The following HCN1 variants were observed in gnomAD, a reference collection of about 807,000 sequenced individuals.
HCN1 encodes the protein hyperpolarization activated cyclic nucleotide gated potassium channel 1.
HCN1 carries 13 observed loss-of-function variants against 78.9 expected under a neutral mutation model. The ratio of observed to expected loss-of-function variants is 0.16; its 90% CI spans 0.11 to 0.26. HCN1 has a LOEUF of 0.26. HCN1 is among the 10% of genes least tolerant of loss of function. The pLI is 1.00. For synonymous variants in HCN1, 552 were observed against 455.5 expected (o/e 1.21, Z -2.70); for missense variants, 810 against 1,154.3 (o/e 0.70, Z 4.32).
At chr5:45,273,880 A>G (rs1281126165) in intron 6 of HCN1, among the ~76,000 whole-genome samples, 1 of 152,174 alleles carries the variant, frequency 6.6e-6, no homozygotes. Flanking sequence ...ACAGGAAATG[A>G]TAACATCTGG....
At chr5:45,612,031 C>T (rs1744849505) in intron 2 of HCN1, among the ~76,000 whole-genome samples, 1 of 152,110 alleles carries the variant, frequency 6.6e-6, no homozygotes, top group African/African-American at 2.4e-5. Context: ...AATCCTATTC[C>T]AAGTTTAAAA....
chr5:45,271,287 C>A (rs904605530), intron 6 of HCN1, among the ~76,000 whole-genome samples: 8 of 150,906 alleles, frequency 5.3e-5, no homozygotes, highest in Non-Finnish European at 1.2e-4. Flanking sequence ...GTCTTTCTTG[C>A]CAGTTAATGA....
intron 4 of HCN1, among the ~76,000 whole-genome samples, chr5:45,357,081 T>C (rs1747019358): frequency 6.6e-6 from 1 of 152,088 alleles, no homozygotes; most frequent in Admixed American, 6.6e-5. Flanking sequence ...TTGAGTTTTT[T>C]CTTCAAAGAT....
At chr5:45,478,037 C>T (rs1185662014) in intron 2 of HCN1, among the ~76,000 whole-genome samples, 4 of 151,926 alleles carry the variant, frequency 2.6e-5, no homozygotes, top group African/African-American at 9.7e-5. Context: ...ACCTATAATC[C>T]CAGCTACTCA....
intron 2 of HCN1, among the ~76,000 whole-genome samples, chr5:45,595,688 C>G (rs753939465): frequency 5.9e-5 from 9 of 151,578 alleles, no homozygotes; most frequent in Non-Finnish European, 1.3e-4. Context: ...CTGGCTCTTC[C>G]CCTTAAGGAG....
chr5:45,608,789 A>T (rs980244672), intron 2 of HCN1, among the ~76,000 whole-genome samples: 1 of 152,038 alleles, frequency 6.6e-6, no homozygotes, highest in African/African-American at 2.4e-5. Flanking sequence ...CTATCAAATT[A>T]AAAACTTCAG....
intron 5 of HCN1, among the ~76,000 whole-genome samples, chr5:45,345,113 G>A (rs775108700): frequency 1.3e-5 from 2 of 152,150 alleles, no homozygotes; most frequent in Non-Finnish European, 2.9e-5. Flanking sequence ...ACATCATGTG[G>A]AAGATCCCAA....
intron 2 of HCN1, among the ~76,000 whole-genome samples, chr5:45,491,496 C>T (rs892881517): frequency 2.0e-5 from 3 of 152,094 alleles, no homozygotes; most frequent in Non-Finnish European, 4.4e-5. Flanking sequence ...CTGTCCAAAC[C>T]TTTGCCACTT....
intron 4 of HCN1, among the ~76,000 whole-genome samples, chr5:45,372,146 T>TGA (rs1165411175): frequency 1.8e-5 from 1 of 54,056 alleles, no homozygotes; most frequent in Admixed American, 3.7e-4. Flanking sequence ...TAATAATATA[T>TGA]TATATAATAT....
intron 2 of HCN1, among the ~76,000 whole-genome samples, chr5:45,583,435 G>T (rs112490913): frequency 1.3e-4 from 20 of 152,046 alleles, no homozygotes; most frequent in African/African-American, 4.3e-4. Context: ...TATTAGTCTT[G>T]CTAGCAGTCC....
chr5:45,546,384 A>T (rs958854459), intron 2 of HCN1, among the ~76,000 whole-genome samples: 2 of 151,856 alleles, frequency 1.3e-5, no homozygotes, highest in Non-Finnish European at 2.9e-5. Context: ...AAATGTTGCA[A>T]ATGCTTTATA....
chr5:45,347,336 CA>C (rs774530276), intron 5 of HCN1, among the ~76,000 whole-genome samples: 5 of 152,086 alleles, frequency 3.3e-5, no homozygotes, highest in African/African-American at 7.2e-5. Flanking sequence ...CTAACAAACA[CA>C]AAGGACATCC....
intron 6 of HCN1, among the ~76,000 whole-genome samples, chr5:45,288,228 G>A (rs747921257): frequency 4.0e-5 from 6 of 151,722 alleles, no homozygotes; most frequent in African/African-American, 9.7e-5. Context: ...TTTAACCACC[G>A]GAGCATGAAT....
intron 2 of HCN1, among the ~76,000 whole-genome samples, chr5:45,512,893 G>A (rs2111760596): frequency 6.6e-6 from 1 of 152,202 alleles, no homozygotes; most frequent in Middle Eastern, 3.4e-3. Context: ...TTTAGATAGA[G>A]TGAAGTAATA....
chr5:45,265,478 T>C (rs1328071106), intron 7 of HCN1, among the ~76,000 whole-genome samples: 2 of 152,206 alleles, frequency 1.3e-5, no homozygotes, highest in African/African-American at 4.8e-5. Flanking sequence ...ATCTCTAAGA[T>C]TTCAATATGA....
chr5:45,498,739 G>A (rs553475478), intron 2 of HCN1, among the ~76,000 whole-genome samples: 2 of 152,078 alleles, frequency 1.3e-5, no homozygotes, highest in South Asian at 2.1e-4. Context: ...CTTTGATGAT[G>A]GTGATGTACA....
intron 5 of HCN1, among the ~76,000 whole-genome samples, chr5:45,338,835 G>A (rs1746517519): frequency 6.6e-6 from 1 of 152,074 alleles, no homozygotes; most frequent in African/African-American, 2.4e-5. Context: ...TCAGGTCTGG[G>A]TTTTTAGACT....
rs553488252 is a variant in HCN1, at chr5:45,345,131, G to A, written c.1377+7969C>T. ...TCATGTGGAAGATCCCAAGGCTTGG[G>A]GCTTGCACCCTCTGAAGCCACAGCC... On this transcript the variant is annotated intron_variant, in intron 5 of 7. Transcript: ENST00000303230. Among the ~76,000 whole-genome samples, 3 of 152,264 alleles carry A rather than the reference G, an allele frequency of 2.0e-5. No individual in the cohort carries two copies. In the East Asian group the frequency reaches 5.8e-4, roughly 29 times the overall value.
intron 5 of HCN1, among the ~76,000 whole-genome samples, chr5:45,331,733 C>T (rs1561109871): frequency 1.3e-5 from 2 of 151,346 alleles, no homozygotes; most frequent in Non-Finnish European, 3.0e-5. Flanking sequence ...GACAGCAAAA[C>T]CAAACTACCC....
Sources: allele counts gnomAD v4.1 joint callset (sites outside exome capture counted in the v4.1 genomes callset), GRCh38; gene constraint gnomAD v4.1.1; transcripts MANE v1.5; gene names NCBI Gene and HGNC (gene_info 2026-07-23, HGNC 2026-07-21).